Variants in DMD observed in about 807,000 individuals in gnomAD.
DMD encodes dystrophin.
A neutral mutation model predicts 330.1 loss-of-function variants in DMD; 63 were observed. The ratio of observed to expected loss-of-function variants is 0.19; its 90% CI spans 0.16 to 0.24. DMD has a LOEUF of 0.24. DMD is among the 10% of genes least tolerant of loss of function. The pLI is 1.00. For synonymous variants in DMD, 1,223 were observed against 959.8 expected (o/e 1.27, Z -5.07); for missense variants, 3,344 against 2,684.1 (o/e 1.25, Z -5.43).
chrX:31,624,203 A>G (rs543048969), intron 55 of DMD, among the ~76,000 whole-genome samples: 4 of 112,119 alleles, frequency 3.6e-5, no homozygotes, highest in African/African-American at 1.3e-4. Flanking sequence ...CTATAAAAAT[A>G]CATTTGCTTA....
intron 48 of DMD, among the ~76,000 whole-genome samples, chrX:31,857,703 CTG>C (rs2093638123): frequency 1.8e-5 from 2 of 110,408 alleles, no homozygotes; most frequent in South Asian, 7.5e-4. Context: ...ACAGAACAAA[CTG>C]AATGCATTTA....
chrX:31,218,021 T>G (rs1448137355), intron 64 of DMD, among the ~76,000 whole-genome samples: 1 of 111,687 alleles, frequency 9.0e-6, no homozygotes, highest in Non-Finnish European at 1.9e-5. Flanking sequence ...TGGACAAAAT[T>G]TTGTATATTA....
chrX:32,332,712 T>C (rs993146980), intron 41 of DMD, among the ~76,000 whole-genome samples: 1 of 110,654 alleles, frequency 9.0e-6, no homozygotes, highest in Admixed American at 9.7e-5. Flanking sequence ...ATGAAGAGTT[T>C]TGGATTTCAC....
At chrX:31,246,012 A>G (rs1322697402) in intron 63 of DMD, among the ~76,000 whole-genome samples, 2 of 112,540 alleles carry the variant, frequency 1.8e-5, no homozygotes, top group African/African-American at 6.4e-5. Context: ...ACAGACTGAA[A>G]GCTAGGCCTC....
At chrX:32,575,176 G>T (rs2052894104) in intron 13 of DMD, among the ~76,000 whole-genome samples, 1 of 111,256 alleles carries the variant, frequency 9.0e-6, no homozygotes, top group African/African-American at 3.3e-5. Flanking sequence ...GGGATTACAG[G>T]CATGAGCCAC....
At chrX:31,755,531 A>G (rs1400841220) in intron 51 of DMD, among the ~76,000 whole-genome samples, 1 of 111,396 alleles carries the variant, frequency 9.0e-6, no homozygotes, top group Non-Finnish European at 1.9e-5. Context: ...TTTACCTATT[A>G]TACTAAAGTT....
At chrX:32,335,143 A>G (rs756531563) in intron 41 of DMD, among the ~76,000 whole-genome samples, 7 of 111,035 alleles carry the variant, frequency 6.3e-5, no homozygotes, top group Non-Finnish European at 9.4e-5. Flanking sequence ...AACTTAAAAA[A>G]GTTAGTGGAA....
At chrX:32,053,789 T>C (rs963753394) in intron 44 of DMD, among the ~76,000 whole-genome samples, 5 of 111,523 alleles carry the variant, frequency 4.5e-5, no homozygotes, top group Middle Eastern at 4.2e-3. Context: ...ACAAATAATA[T>C]ATGCTTTGTT....
intron 62 of DMD, among the ~76,000 whole-genome samples, chrX:31,276,645 G>C (rs5972363): frequency 0.46 from 50,378 of 110,554 alleles, 8,423 homozygotes; most frequent in East Asian, 0.81. Flanking sequence ...GCATGTCTTA[G>C]AATGTTTATA....
chrX:31,511,571 G>C (rs1274179773), intron 55 of DMD, among the ~76,000 whole-genome samples: 1 of 101,428 alleles, frequency 9.9e-6, no homozygotes, highest in Admixed American at 1.1e-4. Flanking sequence ...CTATGAGTGA[G>C]AATATGCGGT....
chrX:32,335,733 T>G (rs1170738534), intron 41 of DMD, among the ~76,000 whole-genome samples: 2 of 32,073 alleles, frequency 6.2e-5, no homozygotes, highest in Non-Finnish European at 1.2e-4. Context: ...TGTATATACG[T>G]AGAACATGTG....
At chrX:32,787,213 AGT>A (rs72078806) in intron 7 of DMD, among the ~76,000 whole-genome samples, 29,500 of 82,913 alleles carry the variant, frequency 0.36, 4,759 homozygotes, top group South Asian at 0.49. Flanking sequence ...CTCTCTGTCA[AGT>A]GTGTGTGTGT....
chrX:32,823,233 G>A, intron 5 of DMD, 62 bp downstream of exon 5: 1 of 939,341 alleles, frequency 1.1e-6, no homozygotes, highest in East Asian at 3.1e-5. Flanking sequence ...ACACGTCAAG[G>A]GTAAAAATTA....
At chrX:32,053,581 G>A (rs930721148) in intron 44 of DMD, among the ~76,000 whole-genome samples, 2 of 110,198 alleles carry the variant, frequency 1.8e-5, no homozygotes, top group African/African-American at 3.3e-5. Context: ...GTTTTTTCTC[G>A]CCCACTCTCA....
At chrX:33,051,129 T>C (rs1049185456) in intron 1 of DMD, among the ~76,000 whole-genome samples, 1 of 111,904 alleles carries the variant, frequency 8.9e-6, no homozygotes. Flanking sequence ...TGTTTTTATT[T>C]GCATATCATT....
At chrX:31,344,301 T>A (rs2057958014) in intron 61 of DMD, among the ~76,000 whole-genome samples, 1 of 111,674 alleles carries the variant, frequency 9.0e-6, no homozygotes, top group East Asian at 2.8e-4. Flanking sequence ...GAATCTGAGA[T>A]ATTTGTAAAG....
At chrX:32,099,928 C>G (rs893256925) in intron 44 of DMD, among the ~76,000 whole-genome samples, 2 of 109,691 alleles carry the variant, frequency 1.8e-5, no homozygotes, top group Admixed American at 2.0e-4. Context: ...CATGATGTGT[C>G]TTTTTCCTAG....
In DMD at chrX:32,699,191, A is replaced by C. The variant is rs1334403814; in HGVS notation, c.752T>G (p.Val251Gly). ...QQVSIEAIQE[V>G]EMLPRPPKVT... ...TTTAGGTGGCCTTGGCAACATTTCCACTTCCTGGATGGCTTCAATGCTCAC... is the reference window on the plus strand; with the variant it reads ...TTTAGGTGGCCTTGGCAACATTTCCCCTTCCTGGATGGCTTCAATGCTCAC... The change falls in exon 8 of 79, where the codon GTG (valine) becomes GGG (glycine). Residue 251 changes from valine to glycine, a missense_variant. Physicochemically the swap from Val to Gly is moderately radical, Grantham distance 109. Transcript: ENST00000357033. 8.3e-7 allele frequency: 1 copy of C among 1,210,014 alleles called. No individual in the cohort carries two copies. The highest frequency in any genetic ancestry group is 1.8e-5 in the South Asian group (1 of 56,959).
chrX:32,773,217 T>C (rs1187314929), intron 7 of DMD, among the ~76,000 whole-genome samples: 2 of 111,800 alleles, frequency 1.8e-5, no homozygotes, highest in Middle Eastern at 4.2e-3. Context: ...CTGGTATTTA[T>C]AGCTAGCGAG....
Sources: gnomAD v4.1 joint callset for allele counts (sites outside exome capture counted in the v4.1 genomes callset) on GRCh38, gnomAD v4.1.1 for gene constraint, MANE v1.5 for transcripts, NCBI Gene and HGNC (gene_info 2026-07-23, HGNC 2026-07-21) for gene names.